The following CC2D1A variants were observed in gnomAD, a reference collection of about 807,000 sequenced individuals.
CC2D1A encodes coiled-coil and C2 domain containing 1A.
CC2D1A carries 68 observed loss-of-function variants against 123.8 expected under a neutral mutation model. That is an observed-to-expected ratio of 0.55 (90% CI 0.45 to 0.67). CC2D1A has a LOEUF of 0.67. CC2D1A is among the 30% of genes least tolerant of loss of function. CC2D1A has a pLI of 0.00. For synonymous variants in CC2D1A, 477 were observed against 528.0 expected (o/e 0.90, Z 1.32); for missense variants, 1,185 against 1,290.3 (o/e 0.92, Z 1.25).
intron 2 of CC2D1A, among the ~76,000 whole-genome samples, chr19:13,911,935 T>A (rs966691785): frequency 2.0e-5 from 3 of 152,118 alleles, no homozygotes; most frequent in African/African-American, 7.2e-5. Context: ...CAGGATGGTC[T>A]CGATCTCCTG....
intron 6 of CC2D1A, among the ~76,000 whole-genome samples, chr19:13,914,362 T>C (rs568495549): frequency 5.4e-5 from 8 of 148,544 alleles, no homozygotes; most frequent in African/African-American, 1.7e-4. Flanking sequence ...TGAGTCGGAG[T>C]CTCGCTCTGT....
intron 14 of CC2D1A, among the ~76,000 whole-genome samples, chr19:13,921,665 GC>G (rs1396844961): frequency 6.6e-6 from 1 of 152,120 alleles, no homozygotes; most frequent in East Asian, 1.9e-4. Flanking sequence ...CAGTCACATG[GC>G]TACATTTAGC....
At chr19:13,907,245 C>T (rs986957521) in intron 1 of CC2D1A, among the ~76,000 whole-genome samples, 10 of 151,856 alleles carry the variant, frequency 6.6e-5, no homozygotes, top group East Asian at 1.9e-4. Flanking sequence ...GCAAGACCCC[C>T]GTCTCGACAA....
chr19:13,926,944 C>T (rs2145367524), intron 20 of CC2D1A, 34 bp from the exon 21 acceptor site: 1 of 1,612,160 alleles, frequency 6.2e-7, no homozygotes, highest in East Asian at 2.2e-5. Context: ...TGGCCTGACC[C>T]CACCCAACTT....
chr19:13,908,689 C>T (rs1273376074), intron 1 of CC2D1A, among the ~76,000 whole-genome samples: 2 of 151,588 alleles, frequency 1.3e-5, no homozygotes, highest in East Asian at 3.9e-4. Flanking sequence ...TGGTCTCGAA[C>T]TCCTGGATTA....
rs1971649097 is a variant in CC2D1A at position 13,926,590 on chromosome 19, G to C, written c.2014G>C (p.Gly672Arg). Residue 672 changes from glycine (G) to arginine (R), a missense_variant and splice_region_variant, in exon 18 of 29, where the codon GGA (glycine) becomes CGA (arginine). By Grantham distance (125) the Gly-to-Arg change is moderately radical. Transcript: ENST00000318003. ...VKGINLPTPP[G>R]LSPGDLDVFV... ...GGGCATCAACTTGCCCACACCCCCA[G>C]GTGAGGGGGCTGTAGGCAAGGGTCA... The C allele has an allele frequency of 6.2e-7, 1 of 1,614,028 alleles. No homozygotes were observed. The highest frequency in any genetic ancestry group is 1.3e-5 in the African/African-American group (1 of 74,922).
rs149677133 is a variant in CC2D1A at position 13,925,319 on chromosome 19, G to A, written c.1941-1198G>A. Among the ~76,000 whole-genome samples, 1,484 of 152,260 alleles carry A rather than the reference G, an allele frequency of 9.7e-3. 6 individuals carry two copies. The highest frequency in any genetic ancestry group is 0.016 in the Non-Finnish European group (1,063 of 68,020). ...AATGAGGCCAGGCGTGCTGGCTCAC[G>A]CCTGTAATCCCAGCACTTTGGGAGG... On this transcript the variant is annotated intron_variant, in intron 17 of 28. Transcript: ENST00000318003.
At position 13,925,918 on chromosome 19, in the gene CC2D1A, TAAAAA is replaced by T. The variant is rs34627490; in HGVS notation, c.1941-587_1941-583del. On this transcript the variant is annotated intron_variant, in intron 17 of 28. Coordinates refer to ENST00000318003, the MANE Select transcript of CC2D1A (RefSeq NM_017721.5). Reference sequence around the variant, plus strand: ...CTGGGCGACAGAGCAAGACTCTGTCTAAAAAAAAAAAAAAAATATATATATATATA... The same window carrying T: ...CTGGGCGACAGAGCAAGACTCTGTCTAAAAAAAAAAATATATATATATATA... Among the ~76,000 whole-genome samples, 407 of 55,234 alleles carry T rather than the reference TAAAAA, an allele frequency of 7.4e-3. 10 individuals are homozygous for T. The highest frequency in any genetic ancestry group is 0.03 in the African/African-American group (388 of 12,808). 36.2% of individuals were successfully genotyped at this position (55,234 alleles called of 152,430 possible).
Position 13,923,343 on chromosome 19 carries a change from C to A in CC2D1A, c.1652C>A (p.Ala551Asp), listed in dbSNP as rs1971475237. The A allele has an allele frequency of 3.1e-6, 5 of 1,607,970 alleles. No individual in the cohort carries two copies. The highest frequency in any genetic ancestry group is 4.2e-6 in the Non-Finnish European group (5 of 1,179,620). The change falls in exon 15 of 29, where the codon GCC (alanine) becomes GAC (aspartate). Residue 551 changes from alanine (A) to aspartate (D), a missense_variant. Transcript: ENST00000318003. The surrounding 1 kb of genome is among the most constrained non-coding windows in gnomAD (Gnocchi z 5.3). ...LPVDITKVPP[A>D]PVNKDDFALV... is the part of the protein sequence containing the mutation. ...CCTCGTCCTCCCCAGGTGCCGCCTG[C>A]CCCTGTCAACAAGGACGACTTTGCC...
intron 17 of CC2D1A, among the ~76,000 whole-genome samples, chr19:13,926,063 T>TACACACAC (rs1411930047): frequency 5.7e-5 from 7 of 123,530 alleles, no homozygotes; most frequent in African/African-American, 3.0e-4. Context: ...TATATGTATA[T>TACACACAC]ATACACACAC....
intron 22 of CC2D1A, 160 bp downstream of exon 22, chr19:13,927,425 C>T (rs1409673433): frequency 6.4e-6 from 4 of 624,068 alleles, no homozygotes; most frequent in Non-Finnish European, 1.2e-5. Context: ...TAAATACTTG[C>T]AGTACCCCAC....
At position 13,912,391 on chromosome 19, in the gene CC2D1A, G is replaced by A. The variant is rs1003395322; in HGVS notation, c.265G>A (p.Glu89Lys). 1 of 1,613,630 alleles carries A rather than the reference G, an allele frequency of 6.2e-7. No homozygotes were observed. Residue 89 changes from glutamate (E) to lysine (K), a missense_variant, in exon 3 of 29, where the codon GAG becomes AAG. Physicochemically the swap from Glu to Lys is moderately conservative, Grantham distance 56. Coordinates refer to ENST00000318003, the MANE Select transcript of CC2D1A (RefSeq NM_017721.5). ...CATGAGAGACCCGGATGAGGATGAG[G>A]AGGAGGGGACGGATGAGGACGACTT... Reference protein sequence around the residue: ...LCMRDPDEDEEEGTDEDDLEA... With the variant: ...LCMRDPDEDEKEGTDEDDLEA...
At chr19:13,908,685 C>T (rs1195314546) in intron 1 of CC2D1A, among the ~76,000 whole-genome samples, 9 of 151,466 alleles carry the variant, frequency 5.9e-5, no homozygotes, top group African/African-American at 2.2e-4. Context: ...AGGCTGGTCT[C>T]GAACTCCTGG....
Position 13,917,279 on chromosome 19 carries a change from G to A in CC2D1A, c.749-791G>A, listed in dbSNP as rs550104899. 5.9e-5 allele frequency among the ~76,000 whole-genome samples: 9 copies of A among 152,106 alleles called. No homozygotes were observed. The East Asian group carries it at 1.7e-3, about 29-fold the overall frequency. On this transcript the variant is annotated intron_variant, in intron 6 of 28. Transcript: ENST00000318003. ...GAGCCCAGGAGTTTGAGACTAGCCT[G>A]GACAACATAGTAAGACCCCATCTCT...
intron 6 of CC2D1A, among the ~76,000 whole-genome samples, chr19:13,913,890 C>CT (rs1185868878): frequency 6.6e-6 from 1 of 151,854 alleles, no homozygotes; most frequent in African/African-American, 2.4e-5. Context: ...TATTTTAGTT[C>CT]TTTTTTTTGA....
Position 13,928,118 on chromosome 19 carries a change from C to G in CC2D1A, c.2455-6C>G. Reference sequence around the variant, plus strand: ...GGACTCACAGGACTGGTTCTCTCCTCTGAAGCAGGTTGCTGGGCCCAAAGG... The same window carrying G: ...GGACTCACAGGACTGGTTCTCTCCTGTGAAGCAGGTTGCTGGGCCCAAAGG... On this transcript the variant is annotated splice_region_variant and splice_polypyrimidine_tract_variant and intron_variant, in intron 23 of 28. Transcript: ENST00000318003. 6.2e-7 allele frequency: 1 copy of G among 1,613,370 alleles called. No homozygotes were observed. The highest frequency in any genetic ancestry group is 8.5e-7 in the Non-Finnish European group (1 of 1,179,832).
chr19:13,924,633 C>A (rs1043559630), intron 17 of CC2D1A, among the ~76,000 whole-genome samples: 1 of 152,118 alleles, frequency 6.6e-6, no homozygotes, highest in African/African-American at 2.4e-5. Context: ...CCATGCCCAG[C>A]TAATTTTTGT....
chr19:13,927,177 G>T lies in CC2D1A; in HGVS notation c.2228G>T (p.Gly743Val). 6.2e-7 allele frequency: 1 copy of T among 1,613,952 alleles called. No individual in the cohort carries two copies. Among genetic ancestry groups the T allele is most frequent in the South Asian group, 1.1e-5 (1 of 91,076 alleles). The change falls in exon 22 of 29, where the codon GGG becomes GTG. Residue 743 changes from glycine to valine, a missense_variant and splice_region_variant. Gly to Val is a moderately radical substitution (Grantham distance 109). Transcript: ENST00000318003. ...GIKFEVVHKG[G>V]LFKTDRVLGT... The stretch of plus-strand genomic sequence containing the variant: ...CCACTATACACACATGCACACAGGG[G>T]GCTGTTCAAGACTGACCGGGTGCTG...
chr19:13,927,433 C>T, intron 22 of CC2D1A, 168 bp downstream of exon 22: 1 of 615,566 alleles, frequency 1.6e-6, no homozygotes, highest in Non-Finnish European at 2.9e-6. Flanking sequence ...TGCAGTACCC[C>T]ACTCCATTAT....
Sources: allele counts gnomAD v4.1 joint callset (sites outside exome capture counted in the v4.1 genomes callset), GRCh38; gene constraint gnomAD v4.1.1; non-coding constraint Gnocchi (gnomAD v3.1); transcripts MANE v1.5; gene names NCBI Gene and HGNC (gene_info 2026-07-23, HGNC 2026-07-21).